MEGF11: variants seen among roughly 807,000 people sequenced by gnomAD.
The protein encoded by MEGF11 is multiple EGF like domains 11.
A neutral mutation model predicts 146.6 loss-of-function variants in MEGF11; 126 were observed. The ratio of observed to expected loss-of-function variants is 0.86; its 90% confidence interval spans 0.74 to 1.00. MEGF11 has a LOEUF of 1.00. MEGF11 is among the 50% of genes least tolerant of loss of function. MEGF11 has a pLI of 0.00. For synonymous variants in MEGF11, 532 were observed against 583.4 expected (o/e 0.91, Z 1.27); for missense variants, 1,509 against 1,521.2 (o/e 0.99, Z 0.13).
chr15:66,129,756 G>T (rs115580109), intron 1 of MEGF11, among the ~76,000 whole-genome samples: 1,638 of 152,198 alleles, frequency 0.011, 33 homozygotes, highest in African/African-American at 0.037. Flanking sequence ...ACTCTCCTTC[G>T]CTCCACAATG....
chr15:65,958,534 C>T (rs1596906846), intron 9 of MEGF11, among the ~76,000 whole-genome samples: 1 of 152,194 alleles, frequency 6.6e-6, no homozygotes, highest in East Asian at 1.9e-4. Context: ...GTTTGAAATC[C>T]AGAGGCCACA....
chr15:66,202,529 G>A (rs977409714), intron 1 of MEGF11, among the ~76,000 whole-genome samples: 3 of 152,158 alleles, frequency 2.0e-5, no homozygotes, highest in Non-Finnish European at 2.9e-5. Flanking sequence ...TTCAGTCTCC[G>A]TGACCCCTAG....
chr15:65,926,884 A>G (rs145347782), intron 13 of MEGF11, among the ~76,000 whole-genome samples: 1 of 152,176 alleles, frequency 6.6e-6, no homozygotes, highest in African/African-American at 2.4e-5. Context: ...GCCAGTGACC[A>G]GGGTTGAGCC....
At chr15:66,152,690 G>A (rs1401768661) in intron 1 of MEGF11, among the ~76,000 whole-genome samples, 2 of 152,196 alleles carry the variant, frequency 1.3e-5, no homozygotes, top group Admixed American at 6.5e-5. Context: ...TCCTTGACAG[G>A]AGAATGCAGA....
intron 1 of MEGF11, among the ~76,000 whole-genome samples, chr15:66,140,636 AG>A (rs2141002744): frequency 6.6e-6 from 1 of 152,350 alleles, no homozygotes; most frequent in African/African-American, 2.4e-5. Flanking sequence ...TAGGGTAGGA[AG>A]AACGGGAGGC....
chr15:65,922,161 G>A, intron 15 of MEGF11, 177 bp downstream of exon 15: 1 of 681,942 alleles, frequency 1.5e-6, no homozygotes, highest in Non-Finnish European at 2.5e-6. Flanking sequence ...AACTGTGTTA[G>A]GGCCTTTGTC....
intron 5 of MEGF11, among the ~76,000 whole-genome samples, chr15:66,054,619 C>T (rs550815053): frequency 1.3e-5 from 2 of 152,208 alleles, no homozygotes; most frequent in Non-Finnish European, 2.9e-5. Context: ...GGAGTGAGCA[C>T]ACATGTTGAA....
chr15:65,900,761 G>A (rs2078476488), intron 24 of MEGF11, among the ~76,000 whole-genome samples: 1 of 152,160 alleles, frequency 6.6e-6, no homozygotes, highest in Non-Finnish European at 1.5e-5. Flanking sequence ...TCACAATTTA[G>A]CCCAGAAGTA....
In MEGF11 at chr15:66,232,896, G is replaced by A. The variant is rs374901480; in HGVS notation, c.-9+20709C>T. On this transcript the variant is annotated intron_variant, in intron 1 of 25. Coordinates refer to ENST00000395614, the MANE Select transcript of MEGF11 (RefSeq NM_001385028.1). ...GATGAGGAAACAGAGGCTCAGAGAG[G>A]TTAACTAGTTTCACCAATGTCACAC... 1.4e-4 allele frequency among the ~76,000 whole-genome samples: 21 copies of A among 152,270 alleles called. 1 individual carries two copies. The South Asian group carries it at 4.4e-3, about 32-fold the overall frequency.
chr15:66,071,781 G>C (rs181628101), intron 5 of MEGF11, among the ~76,000 whole-genome samples: 6 of 152,306 alleles, frequency 3.9e-5, no homozygotes, highest in Non-Finnish European at 7.3e-5. Flanking sequence ...AAAGAAAGCT[G>C]GTTCCAACTC....
chr15:66,170,877 C>T (rs2090232125), intron 1 of MEGF11, among the ~76,000 whole-genome samples: 2 of 152,266 alleles, frequency 1.3e-5, no homozygotes, highest in East Asian at 3.9e-4. Context: ...CTGCCTAATG[C>T]CAGAGGCTGG....
intron 12 of MEGF11, among the ~76,000 whole-genome samples, chr15:65,928,846 G>A (rs1175127052): frequency 6.6e-6 from 1 of 152,184 alleles, no homozygotes; most frequent in African/African-American, 2.4e-5. Context: ...TCAAAGGCCT[G>A]TAATGATCAT....
intron 15 of MEGF11, among the ~76,000 whole-genome samples, chr15:65,919,125 T>TCC (rs1209660435): frequency 6.6e-6 from 1 of 152,214 alleles, no homozygotes; most frequent in African/African-American, 2.4e-5. Context: ...TGGTAGTTCT[T>TCC]CCCCAGCCAG....
chr15:66,191,346 T>G (rs1458890590), intron 1 of MEGF11, among the ~76,000 whole-genome samples: 1 of 151,784 alleles, frequency 6.6e-6, no homozygotes, highest in African/African-American at 2.4e-5. Flanking sequence ...CCCTCCTGAC[T>G]AAGCTTCTAT....
chr15:65,913,517 C>T, intron 20 of MEGF11: 1 of 594,890 alleles, frequency 1.7e-6, no homozygotes, highest in East Asian at 2.8e-5. Context: ...CAGGAGGCTC[C>T]CAACCACAGC....
Position 65,955,202 on chromosome 15 carries a change from C to T in MEGF11, c.1287+2345G>A, listed in dbSNP as rs184881609. 3.3e-3 allele frequency among the ~76,000 whole-genome samples: 508 copies of T among 152,210 alleles called. 5 individuals are homozygous for T. The South Asian group carries it at 0.047, about 14-fold the overall frequency. On this transcript the variant is annotated intron_variant, in intron 10 of 25. Coordinates refer to ENST00000395614, the MANE Select transcript of MEGF11 (RefSeq NM_001385028.1). ...ACTTGGCTACGTGAGATTTTTTAAT[C>T]CCAAACAATTATTCTCTCCTACCCA...
In MEGF11 at chr15:65,922,678, A is replaced by G. The variant is rs549875741; in HGVS notation, c.1822+145T>C. 22 of 1,245,954 alleles carry G rather than the reference A, an allele frequency of 1.8e-5. No homozygotes were observed. The East Asian group carries it at 5.3e-4, about 30-fold the overall frequency. 77.2% of individuals were successfully genotyped at this position (1,245,954 alleles called of 1,614,324 possible). On this transcript the variant is annotated intron_variant, in intron 14 of 25. Transcript: ENST00000395614. ...GCTGGGCCCCAAACCTGGGGACAGA[A>G]CTGCAGAGGGAGAGACTAGAGGGAA...
chr15:65,922,265 C>T, intron 15 of MEGF11, 73 bp downstream of exon 15: 18 of 1,543,862 alleles, frequency 1.2e-5, no homozygotes, highest in Non-Finnish European at 1.5e-5. Context: ...ATCCCCAAGC[C>T]CTTCCTTCCC....
At chr15:66,079,363 G>T (rs918293288) in intron 5 of MEGF11, among the ~76,000 whole-genome samples, 2 of 152,198 alleles carry the variant, frequency 1.3e-5, no homozygotes, top group African/African-American at 2.4e-5. Flanking sequence ...GGCCAAAGAA[G>T]AGACCCAGAA....
Sources: allele counts gnomAD v4.1 joint callset (sites outside exome capture counted in the v4.1 genomes callset), GRCh38; gene constraint gnomAD v4.1.1; transcripts MANE v1.5; gene names NCBI Gene and HGNC (gene_info 2026-07-23, HGNC 2026-07-21).